The following ETFA variants were observed in gnomAD, a reference collection of about 807,000 sequenced individuals.
ETFA encodes electron transfer flavoprotein subunit alpha, mitochondrial.
ETFA carries 22 observed loss-of-function variants against 46.2 expected under a neutral mutation model. That is an observed-to-expected ratio of 0.48 (90% CI 0.34 to 0.68). ETFA has a LOEUF of 0.68. Ranked by LOEUF, ETFA falls within the 30% of genes least tolerant of loss-of-function variation. The probability of loss-of-function intolerance (pLI) is 0.01; values close to 1 mark genes in which losing one functional copy is unlikely to be tolerated. For synonymous variants in ETFA, 131 were observed against 139.9 expected, an observed-to-expected ratio of 0.94 and a Z score of 0.45; for missense variants, 345 against 401.1, an observed-to-expected ratio of 0.86 and a Z score of 1.19.
At chr15:76,287,072 T>A (rs1472126948) in intron 5 of ETFA, among the ~76,000 whole-genome samples, 1 of 152,168 alleles carries the variant, frequency 6.6e-6, no homozygotes, top group Non-Finnish European at 1.5e-5. Context: ...ACAACTTTAA[T>A]CAGGCAAAAA....
chr15:76,310,841 T>TCCCCCC (rs2039989858), intron 1 of ETFA, among the ~76,000 whole-genome samples: 16 of 148,728 alleles, frequency 1.1e-4, no homozygotes, highest in African/African-American at 3.8e-4. Context: ...CCACGCAGCC[T>TCCCCCC]CCCACCCCAC....
At chr15:76,247,786 GTGTT>G (rs1166372529) in intron 9 of ETFA, among the ~76,000 whole-genome samples, 2 of 152,222 alleles carry the variant, frequency 1.3e-5, no homozygotes, top group African/African-American at 4.8e-5. Context: ...AGTGTAATAA[GTGTT>G]AAGTAACTGG....
At chr15:76,260,763 A>G in intron 9 of ETFA, 4 of 1,603,610 alleles carry the variant, frequency 2.5e-6, no homozygotes, top group Non-Finnish European at 3.4e-6. Flanking sequence ...CTTGGTCTGA[A>G]AGGGCACCCA....
At chr15:76,231,296 G>T (rs1354811715) in intron 10 of ETFA, 37 bp downstream of exon 10, 1 of 1,352,994 alleles carries the variant, frequency 7.4e-7, no homozygotes, top group East Asian at 2.3e-5. Context: ...CTAAAATGTG[G>T]AAACGTTTTC....
At chr15:76,219,604 G>A (rs1407244881) in intron 11 of ETFA, among the ~76,000 whole-genome samples, 3 of 152,206 alleles carry the variant, frequency 2.0e-5, no homozygotes, top group African/African-American at 7.2e-5. Flanking sequence ...TCCAGAATAT[G>A]TAAAGAATTC....
At chr15:76,257,561 A>C (rs1012224820) in intron 9 of ETFA, among the ~76,000 whole-genome samples, 7 of 151,980 alleles carry the variant, frequency 4.6e-5, no homozygotes, top group Non-Finnish European at 7.4e-5. Flanking sequence ...CACTTTTACA[A>C]TGTTGGTGGG....
chr15:76,259,474 C>T (rs1030054489), intron 9 of ETFA: 24 of 878,776 alleles, frequency 2.7e-5, no homozygotes, highest in South Asian at 2.2e-4. Flanking sequence ...AGGTGATTCC[C>T]GCCAATGAGG....
rs987968476 is a variant in ETFA, at chr15:76,259,000, G to GCTCT, written c.816+15411_816+15412insAGAG. 106 of 1,605,920 alleles carry GCTCT rather than the reference G, an allele frequency of 6.6e-5. 1 individual carries two copies. In the Middle Eastern group the frequency reaches 6.6e-4, roughly 10 times the overall value. ...CTGCCTGTGAGCTAACAGCTATTGT[G>GCTCT]TGGCAGTAGCCCTTGCTGCAGCAGC... On this transcript the variant is annotated intron_variant, in intron 9 of 11. Coordinates refer to ENST00000557943, the MANE Select transcript of ETFA (RefSeq NM_000126.4).
At chr15:76,278,075 C>G (rs1250273381) in intron 8 of ETFA, among the ~76,000 whole-genome samples, 2 of 151,080 alleles carry the variant, frequency 1.3e-5, no homozygotes, top group African/African-American at 4.9e-5. Flanking sequence ...TTCCAAGCTT[C>G]TTATATGCCA....
At chr15:76,234,536 T>C (rs2039102765) in intron 9 of ETFA, among the ~76,000 whole-genome samples, 1 of 151,838 alleles carries the variant, frequency 6.6e-6, no homozygotes. Context: ...TGCCAGGGAG[T>C]ACAGCAATTA....
intron 9 of ETFA, chr15:76,260,304 A>G (rs1022663565): frequency 2.4e-6 from 3 of 1,237,972 alleles, no homozygotes; most frequent in Admixed American, 1.7e-5. Flanking sequence ...TCCCCGGGAA[A>G]TGACACTGTC....
At chr15:76,305,127 G>A (rs759640544) in intron 1 of ETFA, among the ~76,000 whole-genome samples, 2 of 150,978 alleles carry the variant, frequency 1.3e-5, no homozygotes, top group Non-Finnish European at 2.9e-5. Context: ...GCACCTCAGT[G>A]TGCAAACATA....
chr15:76,234,632 G>T (rs1332091521), intron 9 of ETFA, among the ~76,000 whole-genome samples: 1 of 152,144 alleles, frequency 6.6e-6, no homozygotes, highest in African/African-American at 2.4e-5. Context: ...CTAGAGATAG[G>T]CCTCGTGGCT....
In ETFA at chr15:76,241,986, G is replaced by A. The variant is rs897766354; in HGVS notation, c.817-10588C>T. ...TGAGTAGCTGGGACTACAGGTGTGC[G>A]CCACCACGCCCGGCTAATTTTTGTA... On this transcript the variant is annotated intron_variant, in intron 9 of 11. Coordinates refer to ENST00000557943, the MANE Select transcript of ETFA (RefSeq NM_000126.4). Among the ~76,000 whole-genome samples, 11 of 151,572 alleles carry A rather than the reference G, an allele frequency of 7.3e-5. No homozygotes were observed. In the South Asian group the frequency reaches 1.3e-3, roughly 17 times the overall value.
chr15:76,222,625 G>A lies in ETFA; in HGVS notation c.963+3224C>T, dbSNP rs143642094. Among the ~76,000 whole-genome samples, 83 of 152,200 alleles carry A rather than the reference G, an allele frequency of 5.5e-4. No homozygotes were observed. In the East Asian group the frequency reaches 0.014, roughly 25 times the overall value. ...GCCACCCAGCTGTAGTACCTGCTGA[G>A]CCAGAGAGGCAGAGAAATGAGAGAG... On this transcript the variant is annotated intron_variant, in intron 11 of 11. Coordinates refer to ENST00000557943, the MANE Select transcript of ETFA (RefSeq NM_000126.4).
rs539755516 is a variant in ETFA at position 76,303,326 on chromosome 15, A to C, written c.40-7589T>G. ...CCATCTCAAAAAACAAACAAACAAA[A>C]AATGATTTAAATGTAAGACCTCGAA... On this transcript the variant is annotated intron_variant, in intron 1 of 11. Coordinates refer to ENST00000557943, the MANE Select transcript of ETFA (RefSeq NM_000126.4). Among the ~76,000 whole-genome samples, 3 of 152,208 alleles carry C rather than the reference A, an allele frequency of 2.0e-5. No individual in the cohort carries two copies. The South Asian group carries it at 6.2e-4, about 32-fold the overall frequency.
intron 9 of ETFA, among the ~76,000 whole-genome samples, chr15:76,263,405 AGGACACCCAG>A (rs1276291851): frequency 6.6e-6 from 1 of 152,250 alleles, no homozygotes; most frequent in African/African-American, 2.4e-5. Flanking sequence ...GCATCGTCAG[AGGACACCCAG>A]GGACGACTGA....
At position 76,295,733 on chromosome 15, in the gene ETFA, G is replaced by T. The variant is rs1047426224; in HGVS notation, c.44C>A (p.Ser15Ter). Reference sequence around the variant, plus strand: ...CAGGGTACTCTGAAATCGTAGCAATGAGGCCTAAAAAGAGCAAAAAGGAAA... The same window carrying T: ...CAGGGTACTCTGAAATCGTAGCAATTAGGCCTAAAAAGAGCAAAAAGGAAA... ...AAPGQLRRAA[S>*]LLRFQSTLVI... The change falls in exon 2 of 12, where the codon TCA becomes TAA. Residue 15 changes from serine to a stop codon, truncating the protein, a stop_gained. Coordinates refer to ENST00000557943, the MANE Select transcript of ETFA (RefSeq NM_000126.4). LOFTEE classifies it high-confidence loss of function. 2 of 1,608,792 alleles carry T rather than the reference G, an allele frequency of 1.2e-6. No homozygotes were observed. Among genetic ancestry groups the T allele is most frequent in the African/African-American group, 2.7e-5 (2 of 74,056 alleles).
chr15:76,222,151 T>A (rs1026898333), intron 11 of ETFA, among the ~76,000 whole-genome samples: 27 of 150,888 alleles, frequency 1.8e-4, no homozygotes, highest in African/African-American at 6.5e-4. Flanking sequence ...ATTAATTGTA[T>A]TTCTTAATGT....
Sources: gnomAD v4.1 joint callset for allele counts (sites outside exome capture counted in the v4.1 genomes callset) on GRCh38, gnomAD v4.1.1 for gene constraint, MANE v1.5 for transcripts, NCBI Gene and HGNC (gene_info 2026-07-23, HGNC 2026-07-21) for gene names.